REM2: variants seen among roughly 807,000 people sequenced by gnomAD.
The protein encoded by REM2 is GTP-binding protein REM 2.
A neutral mutation model predicts 24.4 loss-of-function variants in REM2; 24 were observed. The ratio of observed to expected loss-of-function variants is 0.98; its 90% CI spans 0.71 to 1.38. The LOEUF is 1.38. REM2 is among the 40% of genes most tolerant of loss of function. The pLI is 0.00. For missense variants in REM2, 429 were observed against 467.8 expected, an observed-to-expected ratio of 0.92 and a Z score of 0.77; for synonymous variants, 187 against 198.0, an observed-to-expected ratio of 0.94 and a Z score of 0.47.
In REM2 at chr14:22,885,159, G is replaced by C. The variant is rs529007169; in HGVS notation, c.446-107G>C. On this transcript the variant is annotated intron_variant, in intron 2 of 4. Coordinates refer to ENST00000267396, the MANE Select transcript of REM2 (RefSeq NM_173527.3). ...TTCTGTGGCAGCCTCCCTGAAGAGG[G>C]GCAGGGTTCCCTGGTGCTGAGATCT... The C allele has an allele frequency of 6.0e-3, 8,224 of 1,372,940 alleles. 36 individuals carry two copies. Among genetic ancestry groups the C allele is most frequent in the Non-Finnish European group, 7.6e-3 (7,470 of 984,550 alleles). 85.0% of individuals were successfully genotyped at this position (1,372,940 alleles called of 1,614,324 possible). A position where few individuals can be genotyped will look rare whatever the true frequency, so the allele number is the denominator to read the frequency against.
Position 22,887,142 on chromosome 14 carries a change from G to A in REM2, c.*233G>A, listed in dbSNP as rs888226370. On this transcript the variant is annotated 3_prime_UTR_variant, in exon 5 of 5. Coordinates refer to ENST00000267396, the MANE Select transcript of REM2 (RefSeq NM_173527.3). ...TTGGGCCTCAGGGCGCCTAGAAGGC[G>A]AGGACGCAGACCTGAAGGCGGCCGG... 1.2e-5 allele frequency: 5 copies of A among 405,936 alleles called. No homozygotes were observed. Among genetic ancestry groups the A allele is most frequent in the African/African-American group, 2.1e-5 (1 of 48,554 alleles). 25.1% of individuals were successfully genotyped at this position (405,936 alleles called of 1,614,324 possible). A position where few individuals can be genotyped will look rare whatever the true frequency, so the allele number is the denominator to read the frequency against.
intron 1 of REM2, chr14:22,884,132 C>T (rs2040097294): frequency 1.0e-6 from 1 of 985,276 alleles, no homozygotes; most frequent in Non-Finnish European, 1.2e-6. Flanking sequence ...TCTCAAAAAG[C>T]AAAGGCCCTT....
chr14:22,886,545 T>C lies in REM2; in HGVS notation c.728-69T>C, dbSNP rs2040130341. On this transcript the variant is annotated intron_variant, in intron 4 of 4. Coordinates refer to ENST00000267396, the MANE Select transcript of REM2 (RefSeq NM_173527.3). The surrounding 1 kb of genome is among the most constrained non-coding windows in gnomAD (Gnocchi z 5.9). ...CCCTTGCCACCGCACGCCCAGGCCC[T>C]CCCTAGACCCACCCTCGCCCCGGGT... 2 of 1,381,386 alleles carry C rather than the reference T, an allele frequency of 1.4e-6. No homozygotes were observed. The allele number at this position is 1,381,386 out of a possible 1,614,324, so 85.6% of individuals were successfully genotyped here.
At position 22,886,755 on chromosome 14, in the gene REM2, G is replaced by A. The variant is rs1371478201; in HGVS notation, c.869G>A (p.Arg290Lys). Residue 290 changes from arginine (R) to lysine (K), a missense_variant, in exon 5 of 5, where the codon AGG becomes AAG. Coordinates refer to ENST00000267396, the MANE Select transcript of REM2 (RefSeq NM_173527.3). The surrounding 1 kb of genome is among the most constrained non-coding windows in gnomAD (Gnocchi z 5.9). ...GGCCGAAACCACGCCGGAGGCCAGA[G>A]GCCCGATCCGGGCAGCCCCGAGGGC... Reference protein sequence around the residue: ...RRGRNHAGGQRPDPGSPEGPA... With the variant: ...RRGRNHAGGQKPDPGSPEGPA... 3.3e-5 allele frequency: 51 copies of A among 1,544,420 alleles called. No individual in the cohort carries two copies. Among genetic ancestry groups the A allele is most frequent in the Non-Finnish European group, 4.2e-5 (48 of 1,144,978 alleles).
chr14:22,883,408 C>CA lies in REM2; in HGVS notation c.103+19dup, dbSNP rs1483447576. The CA allele has an allele frequency of 1.3e-6, 2 of 1,550,532 alleles. No individual in the cohort carries two copies. The highest frequency in any genetic ancestry group is 2.7e-5 in the African/African-American group (2 of 72,986). On this transcript the variant is annotated intron_variant, in intron 1 of 4. Transcript: ENST00000267396. The stretch of plus-strand genomic sequence containing the variant: ...CACACCAGGTGAGGGCTAACCTGGG[C>CA]AGGTTCCGGCTGAAACCATGGGGGT...
rs150257724 is a variant in REM2, at chr14:22,883,976, C to T, written c.103+586C>T. 1.1e-4 allele frequency: 107 copies of T among 970,042 alleles called. 2 individuals carry two copies. In the East Asian group the frequency reaches 9.4e-3, roughly 85 times the overall value. 60.1% of individuals were successfully genotyped at this position (970,042 alleles called of 1,614,324 possible). A position where few individuals can be genotyped will look rare whatever the true frequency, so the allele number is the denominator to read the frequency against. On this transcript the variant is annotated intron_variant, in intron 1 of 4. Transcript: ENST00000267396. ...TCTATGAACACAATATTCTCTCCCACTCACAGGGACAGACAGGGATGCAGG... is the reference window on the plus strand; with the variant it reads ...TCTATGAACACAATATTCTCTCCCATTCACAGGGACAGACAGGGATGCAGG...
intron 1 of REM2, 88 bp downstream of exon 1, chr14:22,883,478 G>A: frequency 6.0e-6 from 7 of 1,173,230 alleles, no homozygotes; most frequent in Non-Finnish European, 8.7e-6. Flanking sequence ...GGGGTTGAGG[G>A]AGCTTGAGCT....
intron 3 of REM2, 111 bp downstream of exon 3, chr14:22,885,450 G>A: frequency 1.3e-6 from 1 of 781,792 alleles, no homozygotes; most frequent in Non-Finnish European, 2.3e-6. Flanking sequence ...CACATGTACT[G>A]GAACCTGACC....
Position 22,886,505 on chromosome 14 carries a change from T to G in REM2, c.728-109T>G. 1.9e-6 allele frequency: 2 copies of G among 1,037,894 alleles called. No homozygotes were observed. The highest frequency in any genetic ancestry group is 3.2e-4 in the Middle Eastern group (1 of 3,158). 64.3% of individuals were successfully genotyped at this position (1,037,894 alleles called of 1,614,324 possible). On this transcript the variant is annotated intron_variant, in intron 4 of 4. Transcript: ENST00000267396. This position sits in a 1 kb window ranked among gnomAD's most constrained non-coding sequence, Gnocchi z 5.9. ...CAGCCATGTTCTCTCGGTTGCAAGA[T>G]TCACTAGTACCAATCCCTTGCCACC...
intron 3 of REM2, 63 bp from the exon 4 acceptor site, chr14:22,885,961 G>A (rs2040121281): frequency 1.5e-6 from 2 of 1,361,490 alleles, no homozygotes; most frequent in Non-Finnish European, 2.1e-6. Flanking sequence ...TCCTCTTTGA[G>A]GTGTAGGTGC....
intron 1 of REM2, among the ~76,000 whole-genome samples, chr14:22,883,899 T>TCACACACA (rs35170959): frequency 4.1e-5 from 6 of 147,460 alleles, no homozygotes; most frequent in African/African-American, 1.2e-4. Context: ...TCCCTTTCGC[T>TCACACACA]CACACACACA....
intron 1 of REM2, 70 bp from the exon 2 acceptor site, chr14:22,884,604 A>G (rs2040103281): frequency 6.6e-7 from 1 of 1,505,602 alleles, no homozygotes; most frequent in Non-Finnish European, 8.9e-7. Flanking sequence ...GCCTGGATTG[A>G]GCCTTCTGCA....
chr14:22,883,477 G>C, intron 1 of REM2, 87 bp downstream of exon 1: 2 of 1,208,212 alleles, frequency 1.7e-6, no homozygotes, highest in Admixed American at 4.0e-5. Context: ...AGGGGTTGAG[G>C]GAGCTTGAGC....
chr14:22,883,451 T>TG, intron 1 of REM2, 61 bp downstream of exon 1: 2 of 1,462,106 alleles, frequency 1.4e-6, no homozygotes, highest in Admixed American at 3.9e-5. Flanking sequence ...GAAGCTTTGG[T>TG]GGGGAGGTCA....
chr14:22,886,955 T>C lies in REM2; in HGVS notation c.*46T>C. Reference sequence around the variant, plus strand: ...TGCGGTCGCCATGGTCACCGCGCCCTCCGCTCGCCCCCCCTCGCCCCGCCC... The same window carrying C: ...TGCGGTCGCCATGGTCACCGCGCCCCCCGCTCGCCCCCCCTCGCCCCGCCC... On this transcript the variant is annotated 3_prime_UTR_variant, in exon 5 of 5. Coordinates refer to ENST00000267396, the MANE Select transcript of REM2 (RefSeq NM_173527.3). The surrounding 1 kb of genome is among the most constrained non-coding windows in gnomAD (Gnocchi z 5.9). 7.4e-7 allele frequency: 1 copy of C among 1,351,030 alleles called. No homozygotes were observed. Among genetic ancestry groups the C allele is most frequent in the Non-Finnish European group, 9.7e-7 (1 of 1,036,152 alleles). 83.7% of individuals were successfully genotyped at this position (1,351,030 alleles called of 1,614,324 possible). A position where few individuals can be genotyped will look rare whatever the true frequency, so the allele number is the denominator to read the frequency against.
At chr14:22,884,524 C>G in intron 1 of REM2, 150 bp from the exon 2 acceptor site, 1 of 1,430,972 alleles carries the variant, frequency 7.0e-7, no homozygotes, top group Non-Finnish European at 9.2e-7. Flanking sequence ...AGAGGTCAGG[C>G]CAGACATTCT....
At chr14:22,885,928 T>C (rs1212614706) in intron 3 of REM2, 96 bp from the exon 4 acceptor site, 7 of 1,025,566 alleles carry the variant, frequency 6.8e-6, no homozygotes, top group Non-Finnish European at 1.1e-5. Context: ...AGGTGGCTTC[T>C]TTCTGCCTCA....
In REM2 at chr14:22,886,654, C is replaced by G; in HGVS notation, c.768C>G (p.Ile256Met). ...HLAGTLSCKHIETSAALHHNT... is the reference protein window; with the variant it reads ...HLAGTLSCKHMETSAALHHNT... ...CCGGGACGCTGAGCTGCAAGCACAT[C>G]GAGACGTCGGCCGCACTGCACCACA... is the stretch of plus-strand genomic sequence containing the variant. Residue 256 changes from isoleucine (I) to methionine (M), a missense_variant, in exon 5 of 5, where the codon ATC becomes ATG. Transcript: ENST00000267396. The surrounding 1 kb of genome is among the most constrained non-coding windows in gnomAD (Gnocchi z 5.9). 2 of 1,462,280 alleles carry G rather than the reference C, an allele frequency of 1.4e-6. No individual in the cohort carries two copies. The highest frequency in any genetic ancestry group is 1.4e-5 in the African/African-American group (1 of 69,964). The allele number at this position is 1,462,280 out of a possible 1,614,324, so 90.6% of individuals were successfully genotyped here. A position where few individuals can be genotyped will look rare whatever the true frequency, so the allele number is the denominator to read the frequency against.
At position 22,885,352 on chromosome 14, in the gene REM2, A is replaced by C. The variant is rs760163746; in HGVS notation, c.519+13A>C. On this transcript the variant is annotated intron_variant, in intron 3 of 4. Transcript: ENST00000267396. The stretch of plus-strand genomic sequence containing the variant: ...CATCTGGGAACAGGTGAGAACTAAG[A>C]TGTGGCTGCAGGCAGGTGATGAAGC... 1.2e-6 allele frequency: 2 copies of C among 1,602,180 alleles called. No homozygotes were observed. The highest frequency in any genetic ancestry group is 1.7e-6 in the Non-Finnish European group (2 of 1,169,156).
Sources: allele counts gnomAD v4.1 joint callset (sites outside exome capture counted in the v4.1 genomes callset), GRCh38; gene constraint gnomAD v4.1.1; non-coding constraint Gnocchi (gnomAD v3.1); transcripts MANE v1.5; gene names NCBI Gene and HGNC (gene_info 2026-07-23, HGNC 2026-07-21).